Variants in PROSER2 observed in about 807,000 individuals in gnomAD.
The protein encoded by PROSER2 is proline and serine rich 2, also known as proline and serine-rich protein 2.
In PROSER2, 18 loss-of-function variants were observed where a neutral mutation model predicts 14.6. The ratio of observed to expected loss-of-function variants is 1.23; its 90% CI spans 0.85 to 1.83. The LOEUF is 1.83. PROSER2 is among the 40% of genes most tolerant of loss of function. PROSER2 has a pLI of 0.00. For missense variants in PROSER2, 823 were observed against 629.8 expected (o/e 1.31, Z -3.28); for synonymous variants, 367 against 286.4 (o/e 1.28, Z -2.84).
intron 1 of PROSER2, among the ~76,000 whole-genome samples, chr10:11,829,713 C>G (rs1331572751): frequency 1.3e-5 from 2 of 152,036 alleles, no homozygotes; most frequent in Admixed American, 1.3e-4. Flanking sequence ...CACCAGGTAA[C>G]CAATGAATTT....
chr10:11,869,928 G>A lies in PROSER2; in HGVS notation c.830G>A (p.Ser277Asn). Residue 277 changes from serine (S) to asparagine (N), a missense_variant, in exon 4 of 4, where the codon AGC (serine) becomes AAC (asparagine). Ser to Asn is a conservative substitution (Grantham distance 46). Transcript: ENST00000277570. The surrounding 1 kb of genome is among the most constrained non-coding windows in gnomAD (Gnocchi z 4.4). ...PRRTLSRAAV[S>N]VQERRAQVLA... ...AGGACCCTGTCCAGGGCGGCCGTCA[G>A]CGTGCAGGAGCGCAGGGCGCAGGTG... is the stretch of plus-strand genomic sequence containing the variant. 1 of 1,549,278 alleles carries A rather than the reference G, an allele frequency of 6.5e-7. No homozygotes were observed. Among genetic ancestry groups the A allele is most frequent in the South Asian group, 1.2e-5 (1 of 84,452 alleles).
chr10:11,837,101 T>A lies in PROSER2; in HGVS notation c.-82+13631T>A, dbSNP rs1319685291. ...TGTTCAAGTCACTTTTATTTAATAA[T>A]GGCCCTGAAGCAGAAGAGGCATGAT... On this transcript the variant is annotated intron_variant, in intron 1 of 3. Transcript: ENST00000277570. The surrounding 1 kb of genome is among the most constrained non-coding windows in gnomAD (Gnocchi z 4.6). Among the ~76,000 whole-genome samples the A allele has an allele frequency of 6.6e-6, 1 of 152,122 alleles. No homozygotes were observed. The highest frequency in any genetic ancestry group is 2.4e-5 in the African/African-American group (1 of 41,410).
In PROSER2 at chr10:11,830,029, G is replaced by GA. The variant is rs1412942259; in HGVS notation, c.-82+6560dup. On this transcript the variant is annotated intron_variant, in intron 1 of 3. Transcript: ENST00000277570. This position sits in a 1 kb window ranked among gnomAD's most constrained non-coding sequence, Gnocchi z 4.5. ...TGGCTAATTTTTGCATTTTAGTAGA[G>GA]ACGGGGTTTTGCCATGTTGGCCATG... Among the ~76,000 whole-genome samples, 1 of 151,774 alleles carries GA rather than the reference G, an allele frequency of 6.6e-6. No homozygotes were observed. Among genetic ancestry groups the GA allele is most frequent in the Non-Finnish European group, 1.5e-5 (1 of 67,950 alleles).
Position 11,830,474 on chromosome 10 carries a change from C to T in PROSER2, c.-82+7004C>T, listed in dbSNP as rs1055951342. Among the ~76,000 whole-genome samples the T allele has an allele frequency of 1.3e-5, 2 of 152,166 alleles. No homozygotes were observed. Among genetic ancestry groups the T allele is most frequent in the African/African-American group, 2.4e-5 (1 of 41,438 alleles). Reference sequence around the variant, plus strand: ...ATTCTGTGACGGTTACTGTGAACAGCGCCGCGGTAAAGATGCAAGTGCAGG... The same window carrying T: ...ATTCTGTGACGGTTACTGTGAACAGTGCCGCGGTAAAGATGCAAGTGCAGG... On this transcript the variant is annotated intron_variant, in intron 1 of 3. Transcript: ENST00000277570. This position sits in a 1 kb window ranked among gnomAD's most constrained non-coding sequence, Gnocchi z 4.5.
Position 11,869,668 on chromosome 10 carries a change from T to A in PROSER2, c.570T>A (p.Ser190=). 1.2e-6 allele frequency: 2 copies of A among 1,600,908 alleles called. No homozygotes were observed. Among genetic ancestry groups the A allele is most frequent in the Non-Finnish European group, 1.7e-6 (2 of 1,174,212 alleles). ...PPVEHPRLLR[S]VPTPLVMAQK... is the part of the protein sequence containing the mutation. ...TGGAGCACCCCAGACTCCTGCGCTC[T>A]GTTCCCACGCCCCTCGTTATGGCGC... Residue 190 remains serine, a synonymous_variant, in exon 4 of 4, where the codon TCT becomes TCA. Transcript: ENST00000277570. This position sits in a 1 kb window ranked among gnomAD's most constrained non-coding sequence, Gnocchi z 4.4.
intron 3 of PROSER2, among the ~76,000 whole-genome samples, chr10:11,867,403 G>A (rs999734118): frequency 7.9e-5 from 12 of 152,120 alleles, no homozygotes; most frequent in South Asian, 2.1e-4. Context: ...CAGGCTGGGC[G>A]CCATGGATCA....
chr10:11,834,847 A>T (rs1179283818), intron 1 of PROSER2, among the ~76,000 whole-genome samples: 1 of 151,682 alleles, frequency 6.6e-6, no homozygotes, highest in Non-Finnish European at 1.5e-5. Flanking sequence ...TCACGCCTGT[A>T]ATCAATCCCA....
At position 11,869,070 on chromosome 10, in the gene PROSER2, A is replaced by T. The variant is rs2131097752; in HGVS notation, c.392-420A>T. Reference sequence around the variant, plus strand: ...AAATTCTCTGTCATAGAGGAAAGTGACACAGCTACATGTCCTTCATCCAGA... The same window carrying T: ...AAATTCTCTGTCATAGAGGAAAGTGTCACAGCTACATGTCCTTCATCCAGA... On this transcript the variant is annotated intron_variant, in intron 3 of 3. Coordinates refer to ENST00000277570, the MANE Select transcript of PROSER2 (RefSeq NM_153256.4). The surrounding 1 kb of genome is among the most constrained non-coding windows in gnomAD (Gnocchi z 4.4). Among the ~76,000 whole-genome samples, 1 of 152,330 alleles carries T rather than the reference A, an allele frequency of 6.6e-6. No individual in the cohort carries two copies. The highest frequency in any genetic ancestry group is 6.5e-5 in the Admixed American group (1 of 15,302).
In PROSER2 at chr10:11,856,787, C is replaced by T. The variant is rs1834130468; in HGVS notation, c.138+4572C>T. ...ACACATGGCTCATGGACTAAGAAGG[C>T]ATGGCAAGCACTGGGGGGCTTCCCA... is the stretch of plus-strand genomic sequence containing the variant. On this transcript the variant is annotated intron_variant, in intron 2 of 3. Coordinates refer to ENST00000277570, the MANE Select transcript of PROSER2 (RefSeq NM_153256.4). The surrounding 1 kb of genome is among the most constrained non-coding windows in gnomAD (Gnocchi z 5.3). Among the ~76,000 whole-genome samples, 1 of 152,212 alleles carries T rather than the reference C, an allele frequency of 6.6e-6. No individual in the cohort carries two copies. Among genetic ancestry groups the T allele is most frequent in the African/African-American group, 2.4e-5 (1 of 41,446 alleles).
At chr10:11,857,944 TC>T (rs904596014) in intron 2 of PROSER2, among the ~76,000 whole-genome samples, 1 of 151,198 alleles carries the variant, frequency 6.6e-6, no homozygotes, top group African/African-American at 2.4e-5. Flanking sequence ...TCTTTTTTTT[TC>T]CCCCCCAAGA....
In PROSER2 at chr10:11,870,322, C is replaced by T. The variant is rs963523357; in HGVS notation, c.1224C>T (p.Thr408=). Reference sequence around the variant, plus strand: ...CCCTGCCCCGGCCCCAGGGCATCACCGTGCAGTTCGCGGGCCGCGGCTCCT... The same window carrying T: ...CCCTGCCCCGGCCCCAGGGCATCACTGTGCAGTTCGCGGGCCGCGGCTCCT... The part of the protein sequence containing the change: ...ADSLPRPQGI[T]VQFAGRGSSE... The change falls in exon 4 of 4, where the codon ACC becomes ACT. Residue 408 remains threonine (T), a synonymous_variant. Coordinates refer to ENST00000277570, the MANE Select transcript of PROSER2 (RefSeq NM_153256.4). The T allele has an allele frequency of 2.4e-5, 36 of 1,502,102 alleles. No homozygotes were observed. Among genetic ancestry groups the T allele is most frequent in the African/African-American group, 5.8e-5 (4 of 68,880 alleles). The allele number at this position is 1,502,102 out of a possible 1,614,324, so 93.0% of individuals were successfully genotyped here. A position where few individuals can be genotyped will look rare whatever the true frequency, so the allele number is the denominator to read the frequency against.
chr10:11,864,373 C>T (rs569886099), intron 2 of PROSER2, among the ~76,000 whole-genome samples: 6 of 152,264 alleles, frequency 3.9e-5, no homozygotes, highest in East Asian at 1.9e-4. Flanking sequence ...CTCCCACCTA[C>T]GCTTTAATTA....
At chr10:11,860,207 C>A (rs907653588) in intron 2 of PROSER2, among the ~76,000 whole-genome samples, 3 of 152,224 alleles carry the variant, frequency 2.0e-5, no homozygotes, top group African/African-American at 7.2e-5. Context: ...GGGATACACA[C>A]CAGGTGCCCA....
rs546924315 is a variant in PROSER2, at chr10:11,860,191, G to A, written c.139-6340G>A. 2.0e-5 allele frequency among the ~76,000 whole-genome samples: 3 copies of A among 152,360 alleles called. No homozygotes were observed. In the East Asian group the frequency reaches 5.8e-4, roughly 29 times the overall value. ...CAAGGCCAGACTGACTACAGAGAAG[G>A]TGCTTGGGATACACACCAGGTGCCC... On this transcript the variant is annotated intron_variant, in intron 2 of 3. Transcript: ENST00000277570.
chr10:11,824,198 T>TGC (rs1413232991), intron 1 of PROSER2, among the ~76,000 whole-genome samples: 1 of 152,100 alleles, frequency 6.6e-6, no homozygotes, highest in Admixed American at 6.6e-5. Flanking sequence ...CAGAACCTAG[T>TGC]GCGTGCAGAG....
chr10:11,829,765 A>G (rs1833666230), intron 1 of PROSER2, among the ~76,000 whole-genome samples: 1 of 151,888 alleles, frequency 6.6e-6, no homozygotes, highest in Non-Finnish European at 1.5e-5. Context: ...TCACTTTAAG[A>G]ATGAGATGGC....
chr10:11,825,526 T>C (rs750137335), intron 1 of PROSER2, among the ~76,000 whole-genome samples: 5 of 152,184 alleles, frequency 3.3e-5, no homozygotes, highest in Non-Finnish European at 5.9e-5. Context: ...CTGGCCACCA[T>C]AGGAAAGCCT....
intron 1 of PROSER2, among the ~76,000 whole-genome samples, chr10:11,839,353 A>T (rs533090386): frequency 6.6e-6 from 1 of 152,348 alleles, no homozygotes; most frequent in African/African-American, 2.4e-5. Context: ...AGCTATAAAC[A>T]AAAAGATTGA....
chr10:11,832,146 G>A (rs1833697122), intron 1 of PROSER2, among the ~76,000 whole-genome samples: 1 of 152,184 alleles, frequency 6.6e-6, no homozygotes, highest in Non-Finnish European at 1.5e-5. Flanking sequence ...CAGTTTGGAG[G>A]AAAAGCAGAA....
Sources: allele counts gnomAD v4.1 joint callset (sites outside exome capture counted in the v4.1 genomes callset), GRCh38; gene constraint gnomAD v4.1.1; non-coding constraint Gnocchi (gnomAD v3.1); transcripts MANE v1.5; gene names NCBI Gene and HGNC (gene_info 2026-07-23, HGNC 2026-07-21).